LPP: variants seen among roughly 807,000 people sequenced by gnomAD.
LPP encodes the protein LIM domain containing preferred translocation partner in lipoma, also known as lipoma-preferred partner.
Under a neutral mutation model 60.4 loss-of-function variants are expected in LPP, and 38 were observed. The ratio of observed to expected loss-of-function variants is 0.63; its 90% CI spans 0.49 to 0.83. LPP has a LOEUF of 0.83. Among genes scored for constraint, LPP ranks in the 40% least tolerant of loss-of-function variants. The pLI, the probability that LPP is intolerant of heterozygous loss-of-function variation, is 0.00. For synonymous variants in LPP, 328 were observed against 290.8 expected (o/e 1.13, Z -1.30); for missense variants, 902 against 783.6 (o/e 1.15, Z -1.80).
intron 6 of LPP, among the ~76,000 whole-genome samples, chr3:188,599,754 GTGTGT>G (rs1560616571): frequency 2.2e-5 from 3 of 138,358 alleles, no homozygotes; most frequent in East Asian, 2.0e-4. Flanking sequence ...CGTTAGGGGT[GTGTGT>G]GTGTGTGTGT....
intron 2 of LPP, among the ~76,000 whole-genome samples, chr3:188,327,133 A>G (rs1292034385): frequency 1.3e-5 from 2 of 152,156 alleles, no homozygotes; most frequent in Non-Finnish European, 2.9e-5. Context: ...CATGATTACA[A>G]CACTGATTTC....
At chr3:188,256,241 TA>T (rs1300509782) in intron 2 of LPP, among the ~76,000 whole-genome samples, 3 of 152,030 alleles carry the variant, frequency 2.0e-5, no homozygotes, top group African/African-American at 7.3e-5. Flanking sequence ...GTAATTAATA[TA>T]AAAATTAGAT....
intron 7 of LPP, among the ~76,000 whole-genome samples, chr3:188,647,171 A>T (rs1580672921): frequency 6.6e-6 from 1 of 152,302 alleles, no homozygotes; most frequent in South Asian, 2.1e-4. Flanking sequence ...AAGAGGGTGG[A>T]GGTGAACACA....
intron 3 of LPP, among the ~76,000 whole-genome samples, chr3:188,375,934 C>T (rs1774927887): frequency 6.6e-6 from 1 of 152,128 alleles, no homozygotes; most frequent in South Asian, 2.1e-4. Flanking sequence ...CAAAGAACAT[C>T]TTTATTTCTG....
intron 1 of LPP, among the ~76,000 whole-genome samples, chr3:188,203,894 T>C (rs1434372628): frequency 6.6e-6 from 1 of 151,838 alleles, no homozygotes; most frequent in African/African-American, 2.4e-5. Context: ...ATTTGTAAAA[T>C]AGGCACCATG....
chr3:188,815,349 C>A (rs1385095880), intron 9 of LPP, among the ~76,000 whole-genome samples: 1 of 152,138 alleles, frequency 6.6e-6, no homozygotes, highest in African/African-American at 2.4e-5. Context: ...GATCTATTCT[C>A]AAGTATATAT....
At position 188,670,449 on chromosome 3, in the gene LPP, CTT is replaced by C. The variant is rs565703660; in HGVS notation, c.1114-37806_1114-37805del. Among the ~76,000 whole-genome samples the C allele has an allele frequency of 7.8e-5, 11 of 141,618 alleles. No individual in the cohort carries two copies. The East Asian group carries it at 8.3e-4, about 11-fold the overall frequency. The allele number at this position is 141,618 out of a possible 152,430, so 92.9% of individuals were successfully genotyped here. A position where few individuals can be genotyped will look rare whatever the true frequency, so the allele number is the denominator to read the frequency against. ...TCAGCATAAGAACCCAGGTCTCTCT[CTT>C]TTTTTTTTTTTGTTTTTTTATCACT... is the stretch of plus-strand genomic sequence containing the variant. On this transcript the variant is annotated intron_variant, in intron 7 of 11. Transcript: ENST00000617246.
In LPP at chr3:188,205,098, T is replaced by A. The variant is rs142358786; in HGVS notation, c.-189-20307T>A. Among the ~76,000 whole-genome samples, 57 of 152,158 alleles carry A rather than the reference T, an allele frequency of 3.7e-4. No homozygotes were observed. In the East Asian group the frequency reaches 0.011, roughly 29 times the overall value. ...TATCTAGAAACATTTATGGATGGAG[T>A]GATTGTAATATTGTACAATTCTGTC... is the stretch of plus-strand genomic sequence containing the variant. On this transcript the variant is annotated intron_variant, in intron 1 of 11. Coordinates refer to ENST00000617246, the MANE Select transcript of LPP (RefSeq NM_001375462.1).
At chr3:188,362,378 C>T (rs1769707495) in intron 3 of LPP, among the ~76,000 whole-genome samples, 1 of 152,084 alleles carries the variant, frequency 6.6e-6, no homozygotes, top group Admixed American at 6.6e-5. Flanking sequence ...TTGTCTTCTT[C>T]TTTACTGGAT....
intron 2 of LPP, among the ~76,000 whole-genome samples, chr3:188,236,194 C>T (rs1431478646): frequency 6.6e-6 from 1 of 151,742 alleles, no homozygotes; most frequent in East Asian, 1.9e-4. Context: ...TGGCAAAAGC[C>T]GCAATTACAT....
chr3:188,726,676 A>G (rs62291291), intron 8 of LPP, among the ~76,000 whole-genome samples: 34,028 of 152,170 alleles, frequency 0.22, 4,782 homozygotes, highest in Middle Eastern at 0.46. Flanking sequence ...GGTCTCTATT[A>G]TGGGTGAAAT....
chr3:188,753,797 A>C (rs534898050), intron 8 of LPP, among the ~76,000 whole-genome samples: 3 of 151,798 alleles, frequency 2.0e-5, no homozygotes, highest in East Asian at 1.9e-4. Context: ...GTGTATATGT[A>C]TTTGTAGAGG....
intron 6 of LPP, among the ~76,000 whole-genome samples, chr3:188,532,373 C>T (rs914263193): frequency 3.3e-5 from 5 of 152,062 alleles, no homozygotes; most frequent in Admixed American, 2.0e-4. Flanking sequence ...TGCAGTGAGC[C>T]GAGATTGTGC....
At position 188,875,173 on chromosome 3, in the gene LPP, C is replaced by A. The variant is rs536123296; in HGVS notation, c.*694C>A. 1 of 217,814 alleles carries A rather than the reference C, an allele frequency of 4.6e-6. No individual in the cohort carries two copies. Among genetic ancestry groups the A allele is most frequent in the African/African-American group, 2.2e-5 (1 of 44,596 alleles). The allele number at this position is 217,814 out of a possible 1,614,324, so 13.5% of individuals were successfully genotyped here. A position where few individuals can be genotyped will look rare whatever the true frequency, so the allele number is the denominator to read the frequency against. On this transcript the variant is annotated 3_prime_UTR_variant, in exon 12 of 12. Transcript: ENST00000617246. ...TAGCTAATAAGTAGTGACAGACAACCAAGCTTCAATATTTTTCTAAAGAAA... is the reference window on the plus strand; with the variant it reads ...TAGCTAATAAGTAGTGACAGACAACAAAGCTTCAATATTTTTCTAAAGAAA...
chr3:188,766,634 G>A (rs1486940206), intron 9 of LPP, among the ~76,000 whole-genome samples: 1 of 152,098 alleles, frequency 6.6e-6, no homozygotes, highest in Non-Finnish European at 1.5e-5. Flanking sequence ...CCCAAGGCCG[G>A]CTATCTCTAC....
intron 8 of LPP, among the ~76,000 whole-genome samples, chr3:188,738,807 A>G (rs995515365): frequency 6.6e-6 from 1 of 152,092 alleles, no homozygotes. Context: ...ATTTCTATAA[A>G]CCAATTAATG....
intron 2 of LPP, among the ~76,000 whole-genome samples, chr3:188,308,802 A>G (rs1578004588): frequency 6.6e-6 from 1 of 152,176 alleles, no homozygotes; most frequent in African/African-American, 2.4e-5. Flanking sequence ...TGGGGGCTCC[A>G]GGGCAAATCA....
intron 6 of LPP, among the ~76,000 whole-genome samples, chr3:188,607,886 T>A (rs1041034455): frequency 4.6e-5 from 7 of 152,204 alleles, no homozygotes; most frequent in African/African-American, 1.7e-4. Context: ...AATACAGATA[T>A]GCAAATATGT....
At chr3:188,282,267 AG>A (rs1246398026) in intron 2 of LPP, among the ~76,000 whole-genome samples, 1 of 152,166 alleles carries the variant, frequency 6.6e-6, no homozygotes, top group Non-Finnish European at 1.5e-5. Flanking sequence ...TTGGACACCT[AG>A]TCTCAGCTCT....
Sources: allele counts gnomAD v4.1 joint callset (sites outside exome capture counted in the v4.1 genomes callset), GRCh38; gene constraint gnomAD v4.1.1; transcripts MANE v1.5; gene names NCBI Gene and HGNC (gene_info 2026-07-23, HGNC 2026-07-21).